ATP2B4: variants seen among roughly 807,000 people sequenced by gnomAD.
ATP2B4 encodes the protein ATPase plasma membrane Ca2+ transporting 4.
ATP2B4 carries 39 observed loss-of-function variants against 110.3 expected under a neutral mutation model. The observed-to-expected ratio is 0.35, with a 90% CI of 0.27 to 0.46. The LOEUF (loss-of-function observed/expected upper bound fraction) is 0.46, where lower values mean the gene tolerates loss of function less well. Ranked by LOEUF, ATP2B4 falls within the 20% of genes least tolerant of loss-of-function variation. ATP2B4 has a pLI of 1.00. For synonymous variants in ATP2B4, 538 were observed against 571.7 expected (o/e 0.94, Z 0.84); for missense variants, 1,135 against 1,530.9 (o/e 0.74, Z 4.32).
At chr1:203,698,467 ATC>A in intron 3 of ATP2B4, 113 bp downstream of exon 3, 1 of 1,163,600 alleles carries the variant, frequency 8.6e-7, no homozygotes, top group Non-Finnish European at 1.2e-6. Context: ...TTCCCCCATT[ATC>A]CAGAGTGGGC....
chr1:203,697,640 T>G (rs1393252823), intron 2 of ATP2B4, among the ~76,000 whole-genome samples: 1 of 152,208 alleles, frequency 6.6e-6, no homozygotes, highest in Non-Finnish European at 1.5e-5. Flanking sequence ...CCTGGGCAGA[T>G]TAGGATGGTT....
chr1:203,637,304 G>A (rs1223614198), intron 1 of ATP2B4, among the ~76,000 whole-genome samples: 1 of 151,966 alleles, frequency 6.6e-6, no homozygotes, highest in Non-Finnish European at 1.5e-5. Flanking sequence ...GGTGGCAGGC[G>A]CCTGTAGTCC....
chr1:203,641,927 T>G (rs1419894980), intron 1 of ATP2B4, among the ~76,000 whole-genome samples: 1 of 152,184 alleles, frequency 6.6e-6, no homozygotes, highest in Admixed American at 6.5e-5. Context: ...TAAAAAGTTA[T>G]TTAGTGGATT....
chr1:203,674,636 G>A (rs555723962), intron 1 of ATP2B4, among the ~76,000 whole-genome samples: 1 of 104,586 alleles, frequency 9.6e-6, no homozygotes, highest in South Asian at 3.2e-4. Flanking sequence ...ACCACACCTG[G>A]CTTTTTTTTT....
At chr1:203,724,012 G>T in intron 19 of ATP2B4, 24 bp downstream of exon 19, 2 of 1,584,418 alleles carry the variant, frequency 1.3e-6, no homozygotes, top group Non-Finnish European at 1.7e-6. Context: ...CACCCTCCTG[G>T]TGCATTCTCA....
rs138784222 is a variant in ATP2B4 at position 203,660,498 on chromosome 1, C to T, written c.-464-22244C>T. On this transcript the variant is annotated intron_variant, in intron 1 of 20. Coordinates refer to ENST00000357681, the MANE Select transcript of ATP2B4 (RefSeq NM_001684.5). Reference sequence around the variant, plus strand: ...CTCCTAGGGAGCAGTAAGAAGAGAACGGAGGTGGGGGGTGGGGGGAGGCCT... The same window carrying T: ...CTCCTAGGGAGCAGTAAGAAGAGAATGGAGGTGGGGGGTGGGGGGAGGCCT... Among the ~76,000 whole-genome samples, 403 of 138,560 alleles carry T rather than the reference C, an allele frequency of 2.9e-3. 2 individuals are homozygous for T. The East Asian group carries it at 0.037, about 13-fold the overall frequency. The allele number at this position is 138,560 out of a possible 152,430, so 90.9% of individuals were successfully genotyped here. A position where few individuals can be genotyped will look rare whatever the true frequency, so the allele number is the denominator to read the frequency against.
chr1:203,631,650 C>T (rs537133956), intron 1 of ATP2B4, among the ~76,000 whole-genome samples: 16 of 152,120 alleles, frequency 1.1e-4, no homozygotes, highest in Non-Finnish European at 1.9e-4. Context: ...AGGGGTAAGA[C>T]GGGCTGTTAG....
chr1:203,627,288 T>C (rs1274555081), intron 1 of ATP2B4, 69 bp downstream of exon 1: 1 of 152,270 alleles, frequency 6.6e-6, no homozygotes, highest in Non-Finnish European at 1.5e-5. Context: ...CTCAATGGCT[T>C]CTAAAACTCC....
At chr1:203,654,456 C>G (rs1338868355) in intron 1 of ATP2B4, among the ~76,000 whole-genome samples, 2 of 152,186 alleles carry the variant, frequency 1.3e-5, no homozygotes, top group Non-Finnish European at 2.9e-5. Flanking sequence ...GAACAAGGAA[C>G]AAATTTGACT....
rs1665873892 is a variant in ATP2B4 at position 203,707,185 on chromosome 1, C to T, written c.1276C>T (p.Pro426Ser). ...VLVVAVPEGL[P>S]LAVTISLAYS... ...GGTGGTGGCTGTGCCAGAGGGGCTG[C>T]CTCTGGCTGTCACCATCTCACTGGC... The change falls in exon 9 of 21, where the codon CCT (proline) becomes TCT (serine). Residue 426 changes from proline (P) to serine (S), a missense_variant. By Grantham distance (74) the Pro-to-Ser change is moderately conservative (BLOSUM62 -1). Around this residue, in one of 9 missense-constraint regions of ATP2B4, gnomAD observed 4 missense variants for 22.1 expected, o/e 0.18. Transcript: ENST00000357681. 1 of 1,613,948 alleles carries T rather than the reference C, an allele frequency of 6.2e-7. No individual in the cohort carries two copies. Among genetic ancestry groups the T allele is most frequent in the African/African-American group, 1.3e-5 (1 of 74,926 alleles).
chr1:203,707,770 T>C, intron 9 of ATP2B4, 92 bp from the exon 10 acceptor site: 1 of 1,517,614 alleles, frequency 6.6e-7, no homozygotes, highest in South Asian at 1.2e-5. Context: ...AGATGAAATG[T>C]GGAGAGATGT....
chr1:203,683,278 A>G lies in ATP2B4; in HGVS notation c.73A>G (p.Thr25Ala), dbSNP rs1665070539. The G allele has an allele frequency of 3.1e-6, 5 of 1,614,214 alleles. No individual in the cohort carries two copies. The highest frequency in any genetic ancestry group is 2.5e-6 in the Non-Finnish European group (3 of 1,180,034). The change falls in exon 2 of 21, where the codon ACA becomes GCA. Residue 25 changes from threonine (T) to alanine (A), a missense_variant. By Grantham distance (58) the Thr-to-Ala change is moderately conservative. Transcript: ENST00000357681. Reference protein sequence around the residue: ...AESREGDFGCTVMELRKLMEL... With the variant: ...AESREGDFGCAVMELRKLMEL... ...GAGCCGTGAAGGGGACTTTGGCTGC[A>G]CAGTAATGGAACTGAGGAAGCTCAT...
chr1:203,705,048 T>A (rs1376495836), intron 8 of ATP2B4, among the ~76,000 whole-genome samples: 1 of 152,210 alleles, frequency 6.6e-6, no homozygotes, highest in Non-Finnish European at 1.5e-5. Flanking sequence ...ACTCACCACA[T>A]GTGGCTGCTG....
intron 1 of ATP2B4, among the ~76,000 whole-genome samples, chr1:203,661,673 A>T (rs1200743678): frequency 1.3e-5 from 2 of 152,170 alleles, no homozygotes; most frequent in Non-Finnish European, 2.9e-5. Context: ...AGCATGCTGC[A>T]TGGTATTCAG....
intron 1 of ATP2B4, among the ~76,000 whole-genome samples, chr1:203,677,888 C>T (rs1376225741): frequency 6.6e-6 from 1 of 152,246 alleles, no homozygotes; most frequent in Non-Finnish European, 1.5e-5. Context: ...GCACCCCTGC[C>T]AGAGTATCTC....
intron 1 of ATP2B4, chr1:203,656,909 G>A: frequency 1.7e-6 from 1 of 590,684 alleles, no homozygotes; most frequent in Non-Finnish European, 3.1e-6. Context: ...AAACATTACA[G>A]TAATGGCAGT....
intron 7 of ATP2B4, 32 bp downstream of exon 7, chr1:203,702,111 T>C (rs1665710852): frequency 6.2e-7 from 1 of 1,609,020 alleles, no homozygotes; most frequent in African/African-American, 1.3e-5. Flanking sequence ...TTACCATCTC[T>C]ACCTGCCCAC....
In ATP2B4 at chr1:203,711,075, G is replaced by A. The variant is rs145558731; in HGVS notation, c.1998G>A (p.Ala666=). ...TCCTCACCGAACTGACCTGTATCGC[G>A]GTGGTGGGCATTGAGGACCCTGTGC... is the stretch of plus-strand genomic sequence containing the variant. ...NEILTELTCI[A]VVGIEDPVRP... Residue 666 remains alanine, a synonymous_variant, in exon 12 of 21, where the codon GCG becomes GCA. Coordinates refer to ENST00000357681, the MANE Select transcript of ATP2B4 (RefSeq NM_001684.5). 129 of 1,614,140 alleles carry A rather than the reference G, an allele frequency of 8.0e-5. No individual in the cohort carries two copies. The African/African-American group carries it at 1.3e-3, about 17-fold the overall frequency.
In ATP2B4 at chr1:203,703,713, C is replaced by T; in HGVS notation, c.999C>T (p.Asp333=). ...CACTCAACAGCCAGGAGGGAATCGA[C>T]AATGAGGAAAAGGACAAGAAGGCAG... ...IQPLNSQEGI[D]NEEKDKKAVK... is the part of the protein sequence containing the mutation. Residue 333 remains aspartate, a synonymous_variant, in exon 8 of 21, where the codon GAC becomes GAT. Coordinates refer to ENST00000357681, the MANE Select transcript of ATP2B4 (RefSeq NM_001684.5). 6.2e-7 allele frequency: 1 copy of T among 1,614,056 alleles called. No homozygotes were observed. Among genetic ancestry groups the T allele is most frequent in the Non-Finnish European group, 8.5e-7 (1 of 1,179,998 alleles).
Sources: allele counts gnomAD v4.1 joint callset (sites outside exome capture counted in the v4.1 genomes callset), GRCh38; gene constraint gnomAD v4.1.1; regional missense constraint gnomAD v4.1.1; transcripts MANE v1.5; gene names NCBI Gene and HGNC (gene_info 2026-07-23, HGNC 2026-07-21).